Variants in ETV1 observed in about 807,000 individuals in gnomAD.
ETV1 encodes the protein ETS translocation variant 1.
ETV1 carries 27 observed loss-of-function variants against 62.3 expected under a neutral mutation model. The observed-to-expected ratio is 0.43, with a 90% CI of 0.32 to 0.60. The LOEUF (loss-of-function observed/expected upper bound fraction) is 0.60, where lower values mean the gene tolerates loss of function less well. Ranked by LOEUF, ETV1 falls within the 20% of genes least tolerant of loss-of-function variation. The probability of loss-of-function intolerance (pLI) is 0.06; values close to 1 mark genes in which losing one functional copy is unlikely to be tolerated. For missense variants in ETV1, 605 were observed against 605.8 expected (o/e 1.00, Z 0.01); for synonymous variants, 222 against 199.6 (o/e 1.11, Z -0.94).
At position 13,892,448 on chromosome 7, in the gene ETV1, C is replaced by G. The variant is rs1183861747; in HGVS notation, c.*3418G>C. The G allele has an allele frequency of 2.6e-5, 6 of 232,742 alleles. No homozygotes were observed. The highest frequency in any genetic ancestry group is 4.4e-5 in the African/African-American group (2 of 45,314). The allele number at this position is 232,742 out of a possible 1,614,324, so 14.4% of individuals were successfully genotyped here. On this transcript the variant is annotated 3_prime_UTR_variant, in exon 14 of 14. Coordinates refer to ENST00000430479, the MANE Select transcript of ETV1 (RefSeq NM_004956.5). The stretch of plus-strand genomic sequence containing the variant: ...AAATAAAAGCAAACTCTAGTACTTT[C>G]AAATCCTAGATCCCTCAGCAGAACT...
chr7:13,982,061 C>G (rs10244180), intron 5 of ETV1, among the ~76,000 whole-genome samples: 69 of 151,920 alleles, frequency 4.5e-4, no homozygotes, highest in Middle Eastern at 6.8e-3. Context: ...TGACAAAACA[C>G]CTTTAATACT....
At chr7:13,939,331 A>G in intron 6 of ETV1, 85 bp from the exon 7 acceptor site, 1 of 1,181,724 alleles carries the variant, frequency 8.5e-7, no homozygotes, top group Non-Finnish European at 1.2e-6. Flanking sequence ...CTTGTTAAAA[A>G]GGTCATTCAC....
chr7:13,961,603 C>T (rs1790172494), intron 6 of ETV1, among the ~76,000 whole-genome samples: 1 of 151,752 alleles, frequency 6.6e-6, no homozygotes, highest in South Asian at 2.1e-4. Flanking sequence ...CTTTTTTTCC[C>T]TTTCAATGAA....
chr7:13,910,966 A>G (rs535910742), intron 10 of ETV1, among the ~76,000 whole-genome samples: 29 of 152,332 alleles, frequency 1.9e-4, no homozygotes, highest in South Asian at 6.2e-4. Flanking sequence ...TCTATAAAGC[A>G]TATGTTCTAT....
chr7:13,926,198 T>A (rs763645403), intron 9 of ETV1, among the ~76,000 whole-genome samples: 1 of 152,214 alleles, frequency 6.6e-6, no homozygotes, highest in Non-Finnish European at 1.5e-5. Flanking sequence ...ACATTCACTA[T>A]GCATCTTTCA....
intron 3 of ETV1, 50 bp downstream of exon 3, chr7:13,988,958 C>A: frequency 1.3e-6 from 2 of 1,540,920 alleles, no homozygotes; most frequent in Non-Finnish European, 1.8e-6. Context: ...CTCTCCCCAC[C>A]CCCGACGGAG....
intron 11 of ETV1, chr7:13,907,792 C>G: frequency 4.3e-6 from 2 of 468,482 alleles, no homozygotes; most frequent in Non-Finnish European, 8.8e-6. Flanking sequence ...CTAAAACTTA[C>G]CTATGGTCAG....
chr7:13,952,323 T>C (rs1305542926), intron 6 of ETV1, among the ~76,000 whole-genome samples: 3 of 152,190 alleles, frequency 2.0e-5, no homozygotes, highest in Admixed American at 6.5e-5. Flanking sequence ...CCTGCTTACT[T>C]ACTGATGTAA....
chr7:13,939,310 GT>G lies in ETV1; in HGVS notation c.236-65del, dbSNP rs1787204324. On this transcript the variant is annotated intron_variant, in intron 6 of 13. Coordinates refer to ENST00000430479, the MANE Select transcript of ETV1 (RefSeq NM_004956.5). ...CTGTAGGAATTATGGAGATTAATGTGTTCTACTTCTCTTGTTAAAAAGGTCA... is the reference window on the plus strand; with the variant it reads ...CTGTAGGAATTATGGAGATTAATGTGTCTACTTCTCTTGTTAAAAAGGTCA... 9 of 1,378,060 alleles carry G rather than the reference GT, an allele frequency of 6.5e-6. No homozygotes were observed. In the Admixed American group the frequency reaches 2.3e-4, roughly 35 times the overall value. 85.4% of individuals were successfully genotyped at this position (1,378,060 alleles called of 1,614,324 possible).
At chr7:13,899,742 G>A (rs113988476) in intron 13 of ETV1, among the ~76,000 whole-genome samples, 1,645 of 152,150 alleles carry the variant, frequency 0.011, 29 homozygotes, top group African/African-American at 0.036. Context: ...AAATATCCAC[G>A]TTTTATCTTC....
intron 6 of ETV1, 123 bp from the exon 7 acceptor site, chr7:13,939,369 A>T: frequency 1.3e-6 from 1 of 776,298 alleles, no homozygotes; most frequent in Non-Finnish European, 1.9e-6. Flanking sequence ...ATATGTAAGA[A>T]AAATCACGTT....
chr7:13,952,564 A>G (rs1223296860), intron 6 of ETV1, among the ~76,000 whole-genome samples: 1 of 152,190 alleles, frequency 6.6e-6, no homozygotes, highest in African/African-American at 2.4e-5. Context: ...GAGGGAGGGT[A>G]CATAATGCAC....
At chr7:13,935,352 T>C (rs1786681745) in intron 8 of ETV1, among the ~76,000 whole-genome samples, 1 of 152,194 alleles carries the variant, frequency 6.6e-6, no homozygotes, top group South Asian at 2.1e-4. Context: ...ATTAGTCTCC[T>C]AACTTTACAG....
intron 6 of ETV1, among the ~76,000 whole-genome samples, chr7:13,966,886 A>T (rs1241131130): frequency 1.3e-5 from 2 of 152,140 alleles, no homozygotes; most frequent in Non-Finnish European, 2.9e-5. Flanking sequence ...TCACCACTGT[A>T]TCTCCAGTGA....
At chr7:13,986,036 A>G in intron 5 of ETV1, 1 of 1,123,416 alleles carries the variant, frequency 8.9e-7, no homozygotes, top group Non-Finnish European at 1.3e-6. Flanking sequence ...ATGAATAGTA[A>G]CACATGGAAA....
chr7:13,986,221 A>T (rs772572294), intron 5 of ETV1: 7 of 1,560,994 alleles, frequency 4.5e-6, no homozygotes, highest in Non-Finnish European at 6.1e-6. Context: ...CCATCAGAAA[A>T]GTCCTCCACC....
At chr7:13,919,892 G>C (rs10674761) in intron 9 of ETV1, among the ~76,000 whole-genome samples, 12,442 of 142,488 alleles carry the variant, frequency 0.087, 647 homozygotes, top group African/African-American at 0.15. Context: ...CACACACACA[G>C]AGAGAGAGAG....
In ETV1 at chr7:13,892,091, G is replaced by C. The variant is rs144088916; in HGVS notation, c.*3775C>G. 253 of 232,146 alleles carry C rather than the reference G, an allele frequency of 1.1e-3. No individual in the cohort carries two copies. Among genetic ancestry groups the C allele is most frequent in the African/African-American group, 5.1e-3 (232 of 45,360 alleles). 14.4% of individuals were successfully genotyped at this position (232,146 alleles called of 1,614,324 possible). A position where few individuals can be genotyped will look rare whatever the true frequency, so the allele number is the denominator to read the frequency against. On this transcript the variant is annotated 3_prime_UTR_variant, in exon 14 of 14. Coordinates refer to ENST00000430479, the MANE Select transcript of ETV1 (RefSeq NM_004956.5). Reference sequence around the variant, plus strand: ...TGACTCATTTTGCAATTGTTCTTTTGAGTAATAGACATATTTTACACATTG... The same window carrying C: ...TGACTCATTTTGCAATTGTTCTTTTCAGTAATAGACATATTTTACACATTG...
At chr7:13,914,044 T>C (rs961581064) in intron 9 of ETV1, among the ~76,000 whole-genome samples, 3 of 151,916 alleles carry the variant, frequency 2.0e-5, no homozygotes, top group Non-Finnish European at 2.9e-5. Flanking sequence ...CCAGCATGCC[T>C]GGCTAATTTT....
Sources: allele counts gnomAD v4.1 joint callset (sites outside exome capture counted in the v4.1 genomes callset), GRCh38; gene constraint gnomAD v4.1.1; transcripts MANE v1.5; gene names NCBI Gene and HGNC (gene_info 2026-07-23, HGNC 2026-07-21).